Variants in SHTN1 observed in about 807,000 individuals in gnomAD.
SHTN1 encodes the protein shootin-1.
Under a neutral mutation model 83.1 loss-of-function variants are expected in SHTN1, and 42 were observed. That is an observed-to-expected ratio of 0.51 (90% CI 0.39 to 0.65). The LOEUF (loss-of-function observed/expected upper bound fraction) is 0.65, where lower values mean the gene tolerates loss of function less well. Ranked by LOEUF, SHTN1 falls within the 30% of genes least tolerant of loss-of-function variation. SHTN1 has a pLI of 0.00. For missense variants in SHTN1, 622 were observed against 737.8 expected (o/e 0.84, Z 1.82); for synonymous variants, 224 against 247.7 (o/e 0.90, Z 0.90).
intron 1 of SHTN1, among the ~76,000 whole-genome samples, chr10:117,106,528 A>G (rs1853673185): frequency 6.6e-6 from 1 of 152,194 alleles, no homozygotes; most frequent in Non-Finnish European, 1.5e-5. Context: ...GGGACAGCAG[A>G]AACAGCCATC....
intron 1 of SHTN1, among the ~76,000 whole-genome samples, chr10:117,092,411 G>A (rs545866412): frequency 1.1e-4 from 16 of 152,296 alleles, no homozygotes; most frequent in South Asian, 2.1e-4. Flanking sequence ...CAGAATTTGC[G>A]ACAAATGCGA....
At chr10:116,950,788 G>A (rs770619436) in intron 6 of SHTN1, among the ~76,000 whole-genome samples, 1 of 152,054 alleles carries the variant, frequency 6.6e-6, no homozygotes, top group Non-Finnish European at 1.5e-5. Flanking sequence ...CTTCCCATTC[G>A]TTACAATGTT....
intron 14 of SHTN1, among the ~76,000 whole-genome samples, chr10:116,909,955 A>C (rs1226023384): frequency 6.6e-6 from 1 of 152,050 alleles, no homozygotes; most frequent in East Asian, 1.9e-4. Context: ...TTCCATCTTA[A>C]TTGTTTCTTA....
At chr10:117,077,314 G>A (rs1054467260) in intron 1 of SHTN1, among the ~76,000 whole-genome samples, 2 of 152,182 alleles carry the variant, frequency 1.3e-5, no homozygotes, top group African/African-American at 4.8e-5. Flanking sequence ...TGAATGACAT[G>A]TGACTTCTGA....
intron 16 of SHTN1, among the ~76,000 whole-genome samples, chr10:116,899,314 AT>A (rs1317003408): frequency 2.6e-5 from 4 of 152,180 alleles, no homozygotes; most frequent in Admixed American, 6.5e-5. Flanking sequence ...AGGAGTTACA[AT>A]TTTGAATAGG....
At chr10:116,940,961 A>G (rs1849347902) in intron 8 of SHTN1, among the ~76,000 whole-genome samples, 1 of 152,202 alleles carries the variant, frequency 6.6e-6, no homozygotes, top group Non-Finnish European at 1.5e-5. Flanking sequence ...GATTATTTTA[A>G]TCCTTACATC....
At chr10:117,008,887 G>T (rs762335115), upstream of SHTN1, among the ~76,000 whole-genome samples, 9 of 152,234 alleles carry the variant, frequency 5.9e-5, no homozygotes, top group Non-Finnish European at 1.3e-4. Context: ...GCCAGGGCGG[G>T]TGGATCACCG....
Position 116,944,940 on chromosome 10 carries a change from T to C in SHTN1, c.695A>G (p.Glu232Gly). ...GATACCCACCTCTTGTGCAAATGAC[T>C]CTGCTTTCTTTCGAAGGTCCTTCTC... is the stretch of plus-strand genomic sequence containing the variant. ...ELEKDLRKKAESFAQEMFIEQ... is the reference protein window; with the variant it reads ...ELEKDLRKKAGSFAQEMFIEQ... The change falls in exon 8 of 17, where the codon GAG (glutamate) becomes GGG (glycine). Residue 232 changes from glutamate to glycine, a missense_variant. By Grantham distance (98) the Glu-to-Gly change is moderately conservative. Around this residue, in one of 3 missense-constraint regions of SHTN1, gnomAD observed 383 missense variants for 455.8 expected, o/e 0.84. Coordinates refer to ENST00000355371, the MANE Select transcript of SHTN1 (RefSeq NM_001127211.3). The C allele has an allele frequency of 6.2e-7, 1 of 1,607,796 alleles. No individual in the cohort carries two copies. Among genetic ancestry groups the C allele is most frequent in the South Asian group, 1.1e-5 (1 of 90,972 alleles).
chr10:117,060,703 AG>A (rs1852886041), intron 1 of SHTN1, among the ~76,000 whole-genome samples: 1 of 152,238 alleles, frequency 6.6e-6, no homozygotes, highest in South Asian at 2.1e-4. Context: ...GGAATACAAA[AG>A]GAATCAAATT....
chr10:117,111,638 A>G (rs574526239), intron 1 of SHTN1, among the ~76,000 whole-genome samples: 1 of 152,232 alleles, frequency 6.6e-6, no homozygotes. Flanking sequence ...TGATGCTGCA[A>G]TTCAACCACC....
chr10:116,994,977 T>C (rs188410217), intron 1 of SHTN1, among the ~76,000 whole-genome samples: 121 of 152,244 alleles, frequency 7.9e-4, no homozygotes, highest in African/African-American at 2.6e-3. Context: ...TATTAATGTG[T>C]TTCAAAACTA....
At chr10:117,079,830 GTCT>G (rs1366549001) in intron 1 of SHTN1, among the ~76,000 whole-genome samples, 1 of 148,346 alleles carries the variant, frequency 6.7e-6, no homozygotes, top group Non-Finnish European at 1.5e-5. Context: ...CTGCATAAAT[GTCT>G]TCTTTTGAGA....
At chr10:116,894,059 T>A (rs1847431894) in intron 16 of SHTN1, among the ~76,000 whole-genome samples, 1 of 152,218 alleles carries the variant, frequency 6.6e-6, no homozygotes, top group Non-Finnish European at 1.5e-5. Context: ...ATCTTACTTT[T>A]AATTCAAAAC....
At chr10:116,947,770 C>CAGGG (rs1415465202) in intron 7 of SHTN1, among the ~76,000 whole-genome samples, 2 of 151,950 alleles carry the variant, frequency 1.3e-5, no homozygotes, top group Admixed American at 6.6e-5. Context: ...TCTTCCTAGA[C>CAGGG]AGGGGACTCT....
At chr10:117,079,161 A>C (rs1254676347) in intron 1 of SHTN1, among the ~76,000 whole-genome samples, 2 of 148,302 alleles carry the variant, frequency 1.3e-5, no homozygotes, top group East Asian at 2.1e-4. Context: ...CATCAGGTAT[A>C]TCTCCCAATG....
intron 1 of SHTN1, among the ~76,000 whole-genome samples, chr10:117,081,793 T>C (rs1853268316): frequency 6.7e-6 from 1 of 150,310 alleles, no homozygotes; most frequent in Non-Finnish European, 1.5e-5. Context: ...AATTTATCCA[T>C]TTCTTCTAGA....
intron 1 of SHTN1, among the ~76,000 whole-genome samples, chr10:117,053,575 C>A (rs997100268): frequency 2.0e-5 from 3 of 152,118 alleles, no homozygotes; most frequent in Admixed American, 2.0e-4. Context: ...CTATTTCATA[C>A]CCACTAGGAT....
At chr10:117,036,750 A>G (rs745411178) in intron 2 of SHTN1, among the ~76,000 whole-genome samples, 1 of 152,220 alleles carries the variant, frequency 6.6e-6, no homozygotes, top group Non-Finnish European at 1.5e-5. Context: ...TAATAATTTA[A>G]TTGTACTTTT....
chr10:117,009,624 G>A (rs866302996), upstream of SHTN1, among the ~76,000 whole-genome samples: 4 of 152,070 alleles, frequency 2.6e-5, no homozygotes, highest in Non-Finnish European at 4.4e-5. Flanking sequence ...ATATATACAA[G>A]CTGGGCACGG....
Sources: gnomAD v4.1 joint callset for allele counts (sites outside exome capture counted in the v4.1 genomes callset) on GRCh38, gnomAD v4.1.1 for gene constraint, gnomAD v4.1.1 regional missense constraint, MANE v1.5 for transcripts, NCBI Gene and HGNC (gene_info 2026-07-23, HGNC 2026-07-21) for gene names.